The following UHRF2 variants were observed in gnomAD, a reference collection of about 807,000 sequenced individuals.
The protein encoded by UHRF2 is ubiquitin like with PHD and ring finger domains 2.
In UHRF2, 23 loss-of-function variants were observed where a neutral mutation model predicts 96.8. That is an observed-to-expected ratio of 0.24 (90% CI 0.17 to 0.34). The LOEUF is 0.34. UHRF2 is among the 10% of genes least tolerant of loss of function. The pLI, the probability that UHRF2 is intolerant of heterozygous loss-of-function variation, is 1.00. For missense variants in UHRF2, 685 were observed against 981.5 expected (o/e 0.70, Z 4.04); for synonymous variants, 385 against 332.6 (o/e 1.16, Z -1.72).
chr9:6,494,674 G>T (rs886494163), intron 10 of UHRF2: 6 of 152,240 alleles, frequency 3.9e-5, no homozygotes, highest in African/African-American at 1.4e-4. Context: ...TGAAATTTTT[G>T]TGAACATTTC....
At chr9:6,431,946 A>T (rs10758790) in intron 2 of UHRF2, among the ~76,000 whole-genome samples, 107,153 of 152,080 alleles carry the variant, frequency 0.7, 40,161 homozygotes, top group South Asian at 0.84. Flanking sequence ...TTACATTTTG[A>T]TTTGCTGCGA....
At chr9:6,439,631 C>T (rs1274806963) in intron 3 of UHRF2, among the ~76,000 whole-genome samples, 1 of 152,122 alleles carries the variant, frequency 6.6e-6, no homozygotes, top group Non-Finnish European at 1.5e-5. Flanking sequence ...CTTATCTGTC[C>T]TTAACCTTGT....
chr9:6,472,113 TC>T (rs1230556681), intron 4 of UHRF2, among the ~76,000 whole-genome samples: 3 of 152,154 alleles, frequency 2.0e-5, no homozygotes, highest in Non-Finnish European at 4.4e-5. Context: ...TCCCAAAAGT[TC>T]CCTTGGGTCC....
intron 3 of UHRF2, among the ~76,000 whole-genome samples, chr9:6,441,447 G>A (rs1821156090): frequency 6.6e-6 from 1 of 151,946 alleles, no homozygotes; most frequent in African/African-American, 2.4e-5. Flanking sequence ...GCTCACTCCA[G>A]GCATATGATG....
Position 6,473,984 on chromosome 9 carries a change from G to C in UHRF2, c.864-1407G>C, listed in dbSNP as rs1253507960. On this transcript the variant is annotated intron_variant, in intron 4 of 15. Coordinates refer to ENST00000276893, the MANE Select transcript of UHRF2 (RefSeq NM_152896.3). ...GTTAACAGATTTCAAGGAGGAAAGA[G>C]ATGGCATGTGAATTTATAGATTAGA... is the stretch of plus-strand genomic sequence containing the variant. Among the ~76,000 whole-genome samples, 3 of 152,194 alleles carry C rather than the reference G, an allele frequency of 2.0e-5. No individual in the cohort carries two copies. The South Asian group carries it at 6.2e-4, about 32-fold the overall frequency.
At chr9:6,448,582 G>C (rs56396114) in intron 3 of UHRF2, among the ~76,000 whole-genome samples, 26,081 of 152,178 alleles carry the variant, frequency 0.17, 2,369 homozygotes, top group East Asian at 0.27. Context: ...AAGTATATGT[G>C]AACGCTTAAT....
rs1373762310 is a variant in UHRF2, at chr9:6,498,395, A to G, written c.1908+237A>G. 5 of 357,200 alleles carry G rather than the reference A, an allele frequency of 1.4e-5. No homozygotes were observed. In the Admixed American group the frequency reaches 2.3e-4, roughly 16 times the overall value. The allele number at this position is 357,200 out of a possible 1,614,324, so 22.1% of individuals were successfully genotyped here. A position where few individuals can be genotyped will look rare whatever the true frequency, so the allele number is the denominator to read the frequency against. On this transcript the variant is annotated intron_variant, in intron 12 of 15. Transcript: ENST00000276893. Reference sequence around the variant, plus strand: ...AAAGTTGGACCTGTTAATTAAAAGTAAAATATTTCCAAATCAATTTGGAAA... The same window carrying G: ...AAAGTTGGACCTGTTAATTAAAAGTGAAATATTTCCAAATCAATTTGGAAA...
At chr9:6,488,779 G>A (rs1226132150) in intron 9 of UHRF2, among the ~76,000 whole-genome samples, 2 of 151,338 alleles carry the variant, frequency 1.3e-5, no homozygotes, top group Non-Finnish European at 2.9e-5. Flanking sequence ...TGGGATTACA[G>A]GCATGAGCTA....
chr9:6,502,911 T>C (rs1294855493), intron 14 of UHRF2, among the ~76,000 whole-genome samples: 3 of 152,220 alleles, frequency 2.0e-5, no homozygotes, highest in African/African-American at 4.8e-5. Flanking sequence ...ACTTTAATGA[T>C]CCATGTTCAT....
At chr9:6,488,620 TC>T (rs906954790) in intron 9 of UHRF2, among the ~76,000 whole-genome samples, 6 of 146,600 alleles carry the variant, frequency 4.1e-5, no homozygotes, top group Admixed American at 6.9e-5. Context: ...CCATCTCAGT[TC>T]ACTGCAAGCA....
chr9:6,413,817 G>A, intron 1 of UHRF2, 174 bp downstream of exon 1: 1 of 780,890 alleles, frequency 1.3e-6, no homozygotes, highest in Non-Finnish European at 1.8e-6. Flanking sequence ...GCCGAATGGT[G>A]GGGAGTGGGT....
At chr9:6,494,101 C>G in intron 10 of UHRF2, 169 bp downstream of exon 10, 1 of 549,210 alleles carries the variant, frequency 1.8e-6, no homozygotes, top group East Asian at 3.0e-5. Context: ...CCTAACATAT[C>G]TTTATACTGT....
At position 6,498,411 on chromosome 9, in the gene UHRF2, A is replaced by G. The variant is rs1825089245; in HGVS notation, c.1908+253A>G. The G allele has an allele frequency of 1.6e-5, 5 of 310,724 alleles. No homozygotes were observed. The East Asian group carries it at 3.0e-4, about 18-fold the overall frequency. 19.2% of individuals were successfully genotyped at this position (310,724 alleles called of 1,614,324 possible). A position where few individuals can be genotyped will look rare whatever the true frequency, so the allele number is the denominator to read the frequency against. The stretch of plus-strand genomic sequence containing the variant: ...ATTAAAAGTAAAATATTTCCAAATC[A>G]ATTTGGAAATGACTTGAAGTGTGAG... On this transcript the variant is annotated intron_variant, in intron 12 of 15. Transcript: ENST00000276893.
In UHRF2 at chr9:6,420,720, AAGAG is replaced by A. The variant is rs539400537; in HGVS notation, c.154-182_154-179del. Among the ~76,000 whole-genome samples the A allele has an allele frequency of 2.2e-3, 336 of 151,578 alleles. 2 individuals are homozygous for A. The highest frequency in any genetic ancestry group is 6.7e-3 in the African/African-American group (277 of 41,358). ...AGACACCGTCTCAAAAAAAAAAAAAAAGAGAGAGAGAGAATGTATTGGGGTCCAG... is the reference window on the plus strand; with the variant it reads ...AGACACCGTCTCAAAAAAAAAAAAAAAGAGAGAGAATGTATTGGGGTCCAG... On this transcript the variant is annotated intron_variant, in intron 1 of 15. Coordinates refer to ENST00000276893, the MANE Select transcript of UHRF2 (RefSeq NM_152896.3).
At chr9:6,472,244 G>T (rs1052687191) in intron 4 of UHRF2, among the ~76,000 whole-genome samples, 1 of 152,150 alleles carries the variant, frequency 6.6e-6, no homozygotes, top group Non-Finnish European at 1.5e-5. Context: ...GTGTACTCTA[G>T]CTGCTAGCAA....
chr9:6,488,843 C>G (rs2130935172), intron 9 of UHRF2, among the ~76,000 whole-genome samples: 1 of 150,422 alleles, frequency 6.6e-6, no homozygotes, highest in African/African-American at 2.4e-5. Context: ...GATAGAGTCT[C>G]ACTCTGTCTT....
chr9:6,475,970 A>G (rs532582505), intron 5 of UHRF2, among the ~76,000 whole-genome samples: 13 of 152,198 alleles, frequency 8.5e-5, no homozygotes, highest in South Asian at 2.1e-4. Flanking sequence ...TGAATACTAG[A>G]TTTTATTCCT....
chr9:6,506,152 C>G lies in UHRF2; in HGVS notation c.2382C>G (p.Phe794Leu). Residue 794 changes from phenylalanine to leucine, a missense_variant, in exon 16 of 16, where the codon TTC (phenylalanine) becomes TTG (leucine). This residue lies in a region of UHRF2 where 71 missense variants were observed against 114.1 expected (regional missense o/e 0.62). Coordinates refer to ENST00000276893, the MANE Select transcript of UHRF2 (RefSeq NM_152896.3). ...NEILQTLLDL[F>L]FPGYSKGR ...TTCTGCAGACTCTACTTGACCTTTT[C>G]TTCCCTGGCTACAGCAAAGGACGAT... 6.2e-7 allele frequency: 1 copy of G among 1,614,142 alleles called. No individual in the cohort carries two copies. The highest frequency in any genetic ancestry group is 8.5e-7 in the Non-Finnish European group (1 of 1,180,016).
chr9:6,424,689 C>T (rs998150044), intron 2 of UHRF2, among the ~76,000 whole-genome samples: 15 of 151,446 alleles, frequency 9.9e-5, no homozygotes, highest in Admixed American at 9.9e-4. Context: ...ACCTCATGTC[C>T]TCTTTTTGTT....
Sources: gnomAD v4.1 joint callset for allele counts (sites outside exome capture counted in the v4.1 genomes callset) on GRCh38, gnomAD v4.1.1 for gene constraint, gnomAD v4.1.1 regional missense constraint, MANE v1.5 for transcripts, NCBI Gene and HGNC (gene_info 2026-07-23, HGNC 2026-07-21) for gene names.